RPS6KA3: variants seen among roughly 807,000 people sequenced by gnomAD.
The protein encoded by RPS6KA3 is ribosomal protein S6 kinase alpha-3.
A neutral mutation model predicts 67.2 loss-of-function variants in RPS6KA3; 4 were observed. The observed-to-expected ratio is 0.06, with a 90% CI of 0.03 to 0.14. RPS6KA3 has a LOEUF of 0.14. Among genes scored for constraint, RPS6KA3 ranks in the 10% least tolerant of loss-of-function variants. RPS6KA3 has a pLI of 1.00. For missense variants in RPS6KA3, 204 were observed against 559.0 expected, an observed-to-expected ratio of 0.36 and a Z score of 6.40; for synonymous variants, 182 against 183.7, an observed-to-expected ratio of 0.99 and a Z score of 0.07.
At chrX:20,181,760 G>C (rs1378404618) in intron 10 of RPS6KA3, among the ~76,000 whole-genome samples, 2 of 111,358 alleles carry the variant, frequency 1.8e-5, no homozygotes, top group African/African-American at 6.5e-5. Context: ...GCCACAGAGA[G>C]AGCAGTTTCA....
chrX:20,161,584 C>A, intron 20 of RPS6KA3, 60 bp downstream of exon 20: 1 of 534,003 alleles, frequency 1.9e-6, no homozygotes, highest in Non-Finnish European at 3.1e-6. Flanking sequence ...AGTATTTCTT[C>A]TCACTATGGA....
At chrX:20,247,159 G>A (rs372610734) in intron 1 of RPS6KA3, among the ~76,000 whole-genome samples, 1 of 112,147 alleles carries the variant, frequency 8.9e-6, no homozygotes, top group South Asian at 3.7e-4. Context: ...ACTAGGCTGG[G>A]CGCAGTGGCT....
At chrX:20,242,661 A>C (rs1015539145) in intron 1 of RPS6KA3, among the ~76,000 whole-genome samples, 3 of 112,436 alleles carry the variant, frequency 2.7e-5, no homozygotes, top group African/African-American at 9.7e-5. Flanking sequence ...TAATGTAAGA[A>C]ATGTAAAGTT....
intron 2 of RPS6KA3, among the ~76,000 whole-genome samples, chrX:20,218,384 TA>T (rs1185823396): frequency 2.7e-5 from 3 of 111,877 alleles, no homozygotes; most frequent in Non-Finnish European, 5.6e-5. Flanking sequence ...ATTGACTGCT[TA>T]AAATAACATA....
At chrX:20,218,235 T>C (rs2068904891) in intron 2 of RPS6KA3, among the ~76,000 whole-genome samples, 1 of 112,219 alleles carries the variant, frequency 8.9e-6, no homozygotes, top group African/African-American at 3.2e-5. Context: ...AAGCCCATTT[T>C]AACAGAATAA....
At chrX:20,162,758 G>A (rs1221314015) in intron 19 of RPS6KA3, among the ~76,000 whole-genome samples, 1 of 111,178 alleles carries the variant, frequency 9.0e-6, no homozygotes, top group Non-Finnish European at 1.9e-5. Context: ...GAGGTGAGAG[G>A]ATTGCTTGAG....
At chrX:20,252,538 C>CA (rs2069905980) in intron 1 of RPS6KA3, among the ~76,000 whole-genome samples, 1 of 110,413 alleles carries the variant, frequency 9.1e-6, no homozygotes, top group African/African-American at 3.3e-5. Flanking sequence ...TGTTTTGTTG[C>CA]AGATGGGTGG....
intron 2 of RPS6KA3, among the ~76,000 whole-genome samples, chrX:20,232,924 C>T (rs757808872): frequency 7.1e-5 from 8 of 111,909 alleles, no homozygotes; most frequent in Non-Finnish European, 7.5e-5. Flanking sequence ...CACTTGAGGT[C>T]AGGAGTTCGA....
Position 20,151,327 on chromosome X carries a change from C to T in RPS6KA3, c.*4071G>A, listed in dbSNP as rs1272623501. 8.9e-6 allele frequency: 1 copy of T among 112,745 alleles called. No homozygotes were observed. Among genetic ancestry groups the T allele is most frequent in the Non-Finnish European group, 1.9e-5 (1 of 53,309 alleles). The allele number at this position is 112,745 out of a possible 1,213,427, so 9.3% of individuals were successfully genotyped here. A position where few individuals can be genotyped will look rare whatever the true frequency, so the allele number is the denominator to read the frequency against. On this transcript the variant is annotated 3_prime_UTR_variant, in exon 22 of 22. Transcript: ENST00000379565. ...ATTTCATTCCTTCATTAATTGGTCT[C>T]CACCAATGGTCACTTGGGGAGACCA...
intron 4 of RPS6KA3, 21 bp from the exon 5 acceptor site, chrX:20,195,166 G>C: frequency 1.0e-6 from 1 of 991,030 alleles, no homozygotes; most frequent in South Asian, 1.9e-5. Flanking sequence ...TTGTATGTAT[G>C]CTACATTGTA....
chrX:20,244,611 C>A (rs2069636523), intron 1 of RPS6KA3, among the ~76,000 whole-genome samples: 1 of 112,027 alleles, frequency 8.9e-6, no homozygotes. Context: ...TGTACAAGAT[C>A]ATAGAGCTAT....
chrX:20,183,036 T>C (rs2067882998), intron 10 of RPS6KA3, among the ~76,000 whole-genome samples: 1 of 111,170 alleles, frequency 9.0e-6, no homozygotes, highest in African/African-American at 3.3e-5. Flanking sequence ...AGGTTGAGTA[T>C]CTTTTCATAA....
intron 10 of RPS6KA3, among the ~76,000 whole-genome samples, chrX:20,184,035 CT>C (rs1376906840): frequency 8.9e-6 from 1 of 112,092 alleles, no homozygotes; most frequent in Non-Finnish European, 1.9e-5. Context: ...TTACAATTAA[CT>C]TTCCTTTTAC....
At chrX:20,216,319 C>T (rs1309731282) in intron 2 of RPS6KA3, among the ~76,000 whole-genome samples, 1 of 111,101 alleles carries the variant, frequency 9.0e-6, no homozygotes, top group East Asian at 2.8e-4. Flanking sequence ...CTCCCTCAGC[C>T]TAGGTGTTCA....
In RPS6KA3 at chrX:20,254,590, C is replaced by A. The variant is rs1045287721; in HGVS notation, c.69+11974G>T. 2.7e-5 allele frequency among the ~76,000 whole-genome samples: 3 copies of A among 111,848 alleles called. No homozygotes were observed. In the South Asian group the frequency reaches 1.1e-3, roughly 41 times the overall value. ...AAAGAAAGAAAATATCTTAAAAGCA[C>A]GTATTGAAACTAAGTTTTCTGAGAA... On this transcript the variant is annotated intron_variant, in intron 1 of 21. Transcript: ENST00000379565.
In RPS6KA3 at chrX:20,176,363, A is replaced by G. The variant is rs753288895; in HGVS notation, c.1000-11T>C. Reference sequence around the variant, plus strand: ...TCTTCTATACAGTTTCTGGAGGGGAAAAAAAAAAGAGACTTAGACATATTT... The same window carrying G: ...TCTTCTATACAGTTTCTGGAGGGGAGAAAAAAAAGAGACTTAGACATATTT... On this transcript the variant is annotated splice_polypyrimidine_tract_variant and intron_variant, in intron 12 of 21. Transcript: ENST00000379565. The G allele has an allele frequency of 2.7e-5, 30 of 1,124,827 alleles. No individual in the cohort carries two copies. Among genetic ancestry groups the G allele is most frequent in the South Asian group, 7.4e-5 (4 of 53,918 alleles). The allele number at this position is 1,124,827 out of a possible 1,213,427, so 92.7% of individuals were successfully genotyped here.
At chrX:20,168,040 C>A (rs1243678618) in intron 16 of RPS6KA3, among the ~76,000 whole-genome samples, 3 of 111,688 alleles carry the variant, frequency 2.7e-5, no homozygotes, top group African/African-American at 9.8e-5. Context: ...TAGAGACGAG[C>A]TTTTGCTGTG....
chrX:20,240,660 A>G (rs2069528350), intron 1 of RPS6KA3: 1 of 163,848 alleles, frequency 6.1e-6, no homozygotes, highest in Non-Finnish European at 9.9e-6. Context: ...TATTCATCAT[A>G]CTCATTATAC....
chrX:20,212,813 A>T (rs1213666314), intron 2 of RPS6KA3, among the ~76,000 whole-genome samples: 2 of 111,704 alleles, frequency 1.8e-5, no homozygotes, highest in African/African-American at 6.5e-5. Flanking sequence ...CTTACTATGT[A>T]TCAAGCACAG....
Sources: gnomAD v4.1 joint callset for allele counts (sites outside exome capture counted in the v4.1 genomes callset) on GRCh38, gnomAD v4.1.1 for gene constraint, MANE v1.5 for transcripts, NCBI Gene and HGNC (gene_info 2026-07-23, HGNC 2026-07-21) for gene names.